The following FRAS1 variants were observed in gnomAD, a reference collection of about 807,000 sequenced individuals.
FRAS1 encodes the protein extracellular matrix organizing protein FRAS1.
In FRAS1, 290 loss-of-function variants were observed where a neutral mutation model predicts 435.2. That is an observed-to-expected ratio of 0.67 (90% CI 0.61 to 0.73). The LOEUF (loss-of-function observed/expected upper bound fraction) is 0.73. Ranked by LOEUF, FRAS1 falls within the 30% of genes least tolerant of loss-of-function variation. The pLI is 0.00. For synonymous variants in FRAS1, 1,800 were observed against 1,851.0 expected (o/e 0.97, Z 0.71); for missense variants, 4,860 against 5,001.5 (o/e 0.97, Z 0.85).
At chr4:78,098,493 T>C (rs1224214992) in intron 2 of FRAS1, among the ~76,000 whole-genome samples, 1 of 152,108 alleles carries the variant, frequency 6.6e-6, no homozygotes, top group Non-Finnish European at 1.5e-5. Flanking sequence ...CAGGCTGGTC[T>C]TGAGCTCCTG....
In FRAS1 at chr4:78,283,008, C is replaced by T. The variant is rs7690232; in HGVS notation, c.1255+41C>T. 5.9e-3 allele frequency: 8,171 copies of T among 1,377,388 alleles called. 436 individuals carry two copies. The African/African-American group carries it at 0.11, about 18-fold the overall frequency. 85.3% of individuals were successfully genotyped at this position (1,377,388 alleles called of 1,614,324 possible). On this transcript the variant is annotated intron_variant, in intron 12 of 73. Transcript: ENST00000512123. ...CTCTGTTTCTACTGAGATAGTTTTACTGCCAAAAAGCTCAGAGATCCTCTT... is the reference window on the plus strand; with the variant it reads ...CTCTGTTTCTACTGAGATAGTTTTATTGCCAAAAAGCTCAGAGATCCTCTT...
chr4:78,397,987 G>C (rs1425344954), intron 29 of FRAS1, among the ~76,000 whole-genome samples: 1 of 151,912 alleles, frequency 6.6e-6, no homozygotes, highest in East Asian at 1.9e-4. Context: ...TACTCCACTG[G>C]GGTACTGGAA....
chr4:78,301,198 T>G (rs1288134376), intron 14 of FRAS1, among the ~76,000 whole-genome samples: 1 of 152,188 alleles, frequency 6.6e-6, no homozygotes, highest in East Asian at 1.9e-4. Context: ...TTGGTCAGAA[T>G]CAATGCCTCT....
intron 2 of FRAS1, among the ~76,000 whole-genome samples, chr4:78,146,150 T>A (rs975312108): frequency 5.3e-5 from 8 of 152,158 alleles, no homozygotes; most frequent in Non-Finnish European, 1.0e-4. Flanking sequence ...TCTTTTTAAA[T>A]CAAAGGAATA....
At chr4:78,185,266 G>T (rs2110056929) in intron 2 of FRAS1, among the ~76,000 whole-genome samples, 1 of 152,292 alleles carries the variant, frequency 6.6e-6, no homozygotes, top group South Asian at 2.1e-4. Flanking sequence ...TAGAGTGAAA[G>T]GCAAGTCAAC....
intron 2 of FRAS1, among the ~76,000 whole-genome samples, chr4:78,213,631 A>T (rs184240395): frequency 6.6e-6 from 1 of 152,320 alleles, no homozygotes; most frequent in East Asian, 1.9e-4. Flanking sequence ...CTTGACTGCT[A>T]GGAGAATATG....
At position 78,540,525 on chromosome 4, in the gene FRAS1, C is replaced by G; in HGVS notation, c.11446-6C>G. The stretch of plus-strand genomic sequence containing the variant: ...ACAACAACATGTTCGGTTTGTCCCC[C>G]TGCAGGTGGAAGCAGGACACCAGTG... On this transcript the variant is annotated splice_polypyrimidine_tract_variant and splice_region_variant and intron_variant, in intron 73 of 73. Transcript: ENST00000512123. 2 of 1,487,508 alleles carry G rather than the reference C, an allele frequency of 1.3e-6. No homozygotes were observed. The highest frequency in any genetic ancestry group is 1.8e-6 in the Non-Finnish European group (2 of 1,116,976). 92.1% of individuals were successfully genotyped at this position (1,487,508 alleles called of 1,614,324 possible). A position where few individuals can be genotyped will look rare whatever the true frequency, so the allele number is the denominator to read the frequency against.
intron 59 of FRAS1, among the ~76,000 whole-genome samples, chr4:78,494,487 G>A (rs1578357392): frequency 6.6e-6 from 1 of 152,264 alleles, no homozygotes. Context: ...GAGGAGGAAA[G>A]AGAGAGGGTA....
In FRAS1 at chr4:78,334,937, T is replaced by A. The variant is rs184868696; in HGVS notation, c.2278+1525T>A. On this transcript the variant is annotated intron_variant, in intron 19 of 73. Transcript: ENST00000512123. The stretch of plus-strand genomic sequence containing the variant: ...CCATGCCCAAGTAATTTTTTTTAAA[T>A]TTTTTGTAGAGACAGGGTCTCACCT... Among the ~76,000 whole-genome samples, 389 of 152,056 alleles carry A rather than the reference T, an allele frequency of 2.6e-3. 2 individuals carry two copies. The highest frequency in any genetic ancestry group is 6.8e-3 in the Middle Eastern group (2 of 294).
chr4:78,318,727 T>TGA, intron 17 of FRAS1, 83 bp from the exon 18 acceptor site: 1 of 1,365,926 alleles, frequency 7.3e-7, no homozygotes, highest in Non-Finnish European at 9.9e-7. Context: ...GGTGAACTTT[T>TGA]CTAAGTGGGT....
At position 78,450,372 on chromosome 4, in the gene FRAS1, C is replaced by T. The variant is rs763346729; in HGVS notation, c.6463+33C>T. On this transcript the variant is annotated intron_variant, in intron 45 of 73. Coordinates refer to ENST00000512123, the MANE Select transcript of FRAS1 (RefSeq NM_025074.7). ...AGTTCTCTTCTGCCTACCAGGCTTC[C>T]GTGGACTGCACCTACACTAGTAAAA... 4.5e-5 allele frequency: 70 copies of T among 1,555,086 alleles called. 2 individuals are homozygous for T. In the South Asian group the frequency reaches 4.8e-4, roughly 11 times the overall value.
intron 30 of FRAS1, among the ~76,000 whole-genome samples, chr4:78,401,780 A>G (rs555623800): frequency 7.5e-6 from 1 of 133,164 alleles, no homozygotes; most frequent in South Asian, 2.3e-4. Context: ...TTTCCGGTAA[A>G]TCTCAGGTTA....
At chr4:78,406,989 C>T (rs978327418) in intron 30 of FRAS1, among the ~76,000 whole-genome samples, 2 of 152,162 alleles carry the variant, frequency 1.3e-5, no homozygotes, top group African/African-American at 4.8e-5. Context: ...GTTTCATGCA[C>T]AAAATTTATT....
chr4:78,370,789 T>C (rs1731472811), intron 23 of FRAS1, among the ~76,000 whole-genome samples: 1 of 152,200 alleles, frequency 6.6e-6, no homozygotes, highest in African/African-American at 2.4e-5. Flanking sequence ...GTAGTTGGAA[T>C]TCTCGGGGCT....
chr4:78,317,851 G>T (rs1383977145), intron 17 of FRAS1, among the ~76,000 whole-genome samples: 1 of 152,050 alleles, frequency 6.6e-6, no homozygotes, highest in Admixed American at 6.5e-5. Context: ...TTTCCCTAAA[G>T]AATTTCTTTT....
At chr4:78,088,511 A>C (rs1454924926) in intron 2 of FRAS1, among the ~76,000 whole-genome samples, 1 of 152,076 alleles carries the variant, frequency 6.6e-6, no homozygotes, top group Non-Finnish European at 1.5e-5. Context: ...ACGGGAGAAA[A>C]TTTTTGCCAC....
In FRAS1 at chr4:78,148,364, C is replaced by T. The variant is rs539653644; in HGVS notation, c.108+82348C>T. 3.9e-5 allele frequency among the ~76,000 whole-genome samples: 6 copies of T among 152,254 alleles called. 1 individual carries two copies. In the South Asian group the frequency reaches 1.2e-3, roughly 32 times the overall value. On this transcript the variant is annotated intron_variant, in intron 2 of 73. Transcript: ENST00000512123. ...GAAGCTTGAGAAAACAGCCAGTTCT[C>T]TGCTCAAATTTCAGCTGAAACTACA...
At chr4:78,156,753 T>G (rs1474589700) in intron 2 of FRAS1, among the ~76,000 whole-genome samples, 1 of 152,182 alleles carries the variant, frequency 6.6e-6, no homozygotes, top group East Asian at 1.9e-4. Context: ...TAACAATCAC[T>G]TTGGGGATCC....
chr4:78,255,551 A>G (rs1410999989), intron 6 of FRAS1, among the ~76,000 whole-genome samples, 176 bp downstream of exon 6: 1 of 152,344 alleles, frequency 6.6e-6, no homozygotes, highest in East Asian at 1.9e-4. Context: ...CTTAGAAACT[A>G]CAGATAGGTC....
Sources: gnomAD v4.1 joint callset for allele counts (sites outside exome capture counted in the v4.1 genomes callset) on GRCh38, gnomAD v4.1.1 for gene constraint, MANE v1.5 for transcripts, NCBI Gene and HGNC (gene_info 2026-07-23, HGNC 2026-07-21) for gene names.